Variants in DUXB observed in about 807,000 individuals in gnomAD.
The protein encoded by DUXB is double homeobox B, also known as double homeobox protein B.
In DUXB, 22 loss-of-function variants were observed where a neutral mutation model predicts 8.9. That is an observed-to-expected ratio of 2.46 (90% CI 1.76 to 3.52). The LOEUF (loss-of-function observed/expected upper bound fraction) is 3.52, where lower values mean the gene tolerates loss of function less well. Ranked by LOEUF, DUXB falls within the 30% of genes most tolerant of loss-of-function variation. DUXB has a pLI of 0.00. For missense variants in DUXB, 237 were observed against 108.7 expected (o/e 2.18, Z -5.25); for synonymous variants, 84 against 37.6 (o/e 2.23, Z -4.52).
rs1959201533 is a variant in DUXB at position 75,699,996 on chromosome 16, G to T, written c.180+19C>A. ...TACCATGGTTCTGACAGGTAATGAAGTAGAAATCTAATGCCTACCTGAATA... is the reference window on the plus strand; with the variant it reads ...TACCATGGTTCTGACAGGTAATGAATTAGAAATCTAATGCCTACCTGAATA... On this transcript the variant is annotated intron_variant, in intron 2 of 4. Coordinates refer to ENST00000633875, the MANE Select transcript of DUXB (RefSeq NM_001351307.2). The T allele has an allele frequency of 1.5e-6, 1 of 687,758 alleles. No homozygotes were observed. Among genetic ancestry groups the T allele is most frequent in the Admixed American group, 2.1e-5 (1 of 47,080 alleles). 42.6% of individuals were successfully genotyped at this position (687,758 alleles called of 1,614,324 possible). A position where few individuals can be genotyped will look rare whatever the true frequency, so the allele number is the denominator to read the frequency against.
Position 75,694,414 on chromosome 16 carries a change from G to T in DUXB, c.553C>A (p.Pro185Thr). ...TCTGTGGGGAGGAACAGGTTGATTG[G>T]ATGCCACCCAACAGTTGCATCTGGT... ...ERPDATVGWH[P>T]INLFLPTDSS... is the part of the protein sequence containing the mutation. Residue 185 changes from proline (P) to threonine (T), a missense_variant, in exon 5 of 5, where the codon CCA becomes ACA. Transcript: ENST00000633875. The T allele has an allele frequency of 2.9e-6, 2 of 698,890 alleles. No individual in the cohort carries two copies. The highest frequency in any genetic ancestry group is 2.0e-5 in the Admixed American group (1 of 48,882). 43.3% of individuals were successfully genotyped at this position (698,890 alleles called of 1,614,324 possible).
rs1318463156 is a variant in DUXB at position 75,696,093 on chromosome 16, T to C, written c.309A>G (p.Arg103=). The change falls in exon 4 of 5, where the codon CGA becomes CGG. Residue 103 remains arginine, a synonymous_variant. Transcript: ENST00000633875. ...TCCATGTGATGAATGTCTGTTTTTG[T>C]CGGGCTTCTTTAGGTAAGTATTCTA... ...LTQEYLPKEA[R]QKQTFITWTQ... 3 of 702,820 alleles carry C rather than the reference T, an allele frequency of 4.3e-6. No individual in the cohort carries two copies. The African/African-American group carries it at 5.2e-5, about 12-fold the overall frequency. The allele number at this position is 702,820 out of a possible 1,614,324, so 43.5% of individuals were successfully genotyped here.
chr16:75,701,235 C>G (rs1443304655), intron 1 of DUXB, among the ~76,000 whole-genome samples, 159 bp downstream of exon 1: 3 of 152,162 alleles, frequency 2.0e-5, no homozygotes, highest in Non-Finnish European at 4.4e-5. Flanking sequence ...TTCAAAGCAC[C>G]CATGGCTGTT....
intron 4 of DUXB, among the ~76,000 whole-genome samples, chr16:75,695,731 T>C (rs1032719882): frequency 1.3e-5 from 2 of 152,208 alleles, no homozygotes; most frequent in Non-Finnish European, 2.9e-5. Context: ...AATCTAACAA[T>C]GTTCTCAAAA....
intron 1 of DUXB, 109 bp from the exon 2 acceptor site, chr16:75,700,278 A>T (rs913152019): frequency 3.5e-6 from 2 of 570,780 alleles, no homozygotes; most frequent in Admixed American, 3.0e-5. Flanking sequence ...TCTGTCGCCC[A>T]GATTGGAGTG....
chr16:75,694,248 G>T lies in DUXB; in HGVS notation c.719C>A (p.Thr240Lys), dbSNP rs2082585997. 1.7e-6 allele frequency: 1 copy of T among 581,232 alleles called. No homozygotes were observed. The highest frequency in any genetic ancestry group is 3.0e-6 in the Non-Finnish European group (1 of 330,308). The allele number at this position is 581,232 out of a possible 1,614,324, so 36.0% of individuals were successfully genotyped here. ...CTTCTCTCCTTCCTGCACAGCCTGT[G>T]TGGGCTGCATGATCATGACATTTGG... The part of the protein sequence containing the change: ...QGPNVMIMQP[T>K]QAVQEGEKSD... Residue 240 changes from threonine to lysine, a missense_variant, in exon 5 of 5, where the codon ACA (threonine) becomes AAA (lysine). Transcript: ENST00000633875.
At chr16:75,699,350 C>G (rs1170008207) in intron 2 of DUXB, among the ~76,000 whole-genome samples, 2 of 152,094 alleles carry the variant, frequency 1.3e-5, no homozygotes, top group African/African-American at 4.8e-5. Context: ...TATTAATAAT[C>G]GATCTGAATA....
chr16:75,695,425 G>A (rs998374311), intron 4 of DUXB, among the ~76,000 whole-genome samples: 31 of 152,194 alleles, frequency 2.0e-4, no homozygotes. Context: ...GCCCATGCAT[G>A]GCTGTGCCTC....
intron 2 of DUXB, 83 bp from the exon 3 acceptor site, chr16:75,697,026 G>C: frequency 3.1e-6 from 2 of 649,462 alleles, no homozygotes; most frequent in South Asian, 3.5e-5. Flanking sequence ...GAACAAAACT[G>C]ATTTGACTGC....
In DUXB at chr16:75,696,106, G is replaced by C; in HGVS notation, c.296C>G (p.Pro99Arg). The C allele has an allele frequency of 4.3e-6, 3 of 701,562 alleles. No individual in the cohort carries two copies. Among genetic ancestry groups the C allele is most frequent in the South Asian group, 1.5e-5 (1 of 67,506 alleles). 43.5% of individuals were successfully genotyped at this position (701,562 alleles called of 1,614,324 possible). A position where few individuals can be genotyped will look rare whatever the true frequency, so the allele number is the denominator to read the frequency against. ...QSQHLTQEYLPKEARQKQTFI... is the reference protein window; with the variant it reads ...QSQHLTQEYLRKEARQKQTFI... ...TGTCTGTTTTTGTCGGGCTTCTTTA[G>C]GTAAGTATTCTAAAGGAGAACACAG... The change falls in exon 4 of 5, where the codon CCT (proline) becomes CGT (arginine). Residue 99 changes from proline (P) to arginine (R), a missense_variant. Physicochemically the swap from Pro to Arg is moderately radical, Grantham distance 103. Transcript: ENST00000633875.
intron 2 of DUXB, 53 bp downstream of exon 2, chr16:75,699,962 C>T: frequency 1.6e-6 from 1 of 637,494 alleles, no homozygotes; most frequent in Non-Finnish European, 2.8e-6. Context: ...TGGGCCTAGT[C>T]TTTCTCTTTA....
At position 75,695,975 on chromosome 16, in the gene DUXB, C is replaced by A. The variant is rs2082603013; in HGVS notation, c.427G>T (p.Glu143Ter). The change falls in exon 4 of 5, where the codon GAA becomes TAA. Residue 143 changes from glutamate (E) to a stop codon, truncating the protein, a stop_gained. Transcript: ENST00000633875. LOFTEE classifies it low-confidence loss of function (END_TRUNC). ...KKLAEQTGLQ[E>*]SRIQMWFQKQ... Reference sequence around the variant, plus strand: ...ATAGAACTTACTTGAATTCTTGATTCCTGCAGGCCTGTTTGTTCAGCCAGT... The same window carrying A: ...ATAGAACTTACTTGAATTCTTGATTACTGCAGGCCTGTTTGTTCAGCCAGT... 2.8e-6 allele frequency: 2 copies of A among 702,972 alleles called. No homozygotes were observed. The highest frequency in any genetic ancestry group is 5.2e-6 in the Non-Finnish European group (2 of 384,994). The allele number at this position is 702,972 out of a possible 1,614,324, so 43.5% of individuals were successfully genotyped here.
chr16:75,694,004 C>G lies in DUXB; in HGVS notation c.963G>C (p.Ser321=). 1 of 401,238 alleles carries G rather than the reference C, an allele frequency of 2.5e-6. No homozygotes were observed. The highest frequency in any genetic ancestry group is 4.4e-6 in the Non-Finnish European group (1 of 228,250). 24.9% of individuals were successfully genotyped at this position (401,238 alleles called of 1,614,324 possible). A position where few individuals can be genotyped will look rare whatever the true frequency, so the allele number is the denominator to read the frequency against. ...TCTCGTCCCACCTTTGCAAAATGTT[C>G]GATATGTCAAACTGACCCAGATTTA... is the stretch of plus-strand genomic sequence containing the variant. ...QPLNLGQFDI[S]NILQRWDEIC... Residue 321 remains serine, a synonymous_variant, in exon 5 of 5, where the codon TCG becomes TCC. Transcript: ENST00000633875.
At chr16:75,699,563 C>CTTTTT (rs1317094267) in intron 2 of DUXB, among the ~76,000 whole-genome samples, 6 of 143,014 alleles carry the variant, frequency 4.2e-5, no homozygotes, top group Admixed American at 7.0e-5. Flanking sequence ...CTTTTCTTTT[C>CTTTTT]TTTTTTTTTT....
chr16:75,700,200 G>T, intron 1 of DUXB, 31 bp from the exon 2 acceptor site: 1 of 681,854 alleles, frequency 1.5e-6, no homozygotes, highest in East Asian at 2.7e-5. Context: ...AGAATAGTGT[G>T]AATAATATAT....
At chr16:75,694,750 A>G (rs1404133609) in intron 4 of DUXB, among the ~76,000 whole-genome samples, 1 of 152,234 alleles carries the variant, frequency 6.6e-6, no homozygotes, top group African/African-American at 2.4e-5. Flanking sequence ...ATGCAACAAT[A>G]AAAATAATAC....
At chr16:75,697,442 T>A (rs1368709708) in intron 2 of DUXB, among the ~76,000 whole-genome samples, 1 of 152,178 alleles carries the variant, frequency 6.6e-6, no homozygotes, top group Non-Finnish European at 1.5e-5. Context: ...CTCTTAGTCA[T>A]TTTTGTCCCG....
intron 1 of DUXB, among the ~76,000 whole-genome samples, chr16:75,700,969 C>G (rs975636285): frequency 2.0e-5 from 3 of 151,976 alleles, no homozygotes; most frequent in Non-Finnish European, 1.5e-5. Context: ...AAAGAGGAAG[C>G]AGTAGGGAGG....
At position 75,694,032 on chromosome 16, in the gene DUXB, G is replaced by T. The variant is rs1377106370; in HGVS notation, c.935C>A (p.Pro312His). The part of the protein sequence containing the change: ...QPEPEHREQQ[P>H]LNLGQFDISN... ...TATGTCAAACTGACCCAGATTTAGA[G>T]GTTGTTGCTCCCTGTGCTCAGGTTC... Residue 312 changes from proline (P) to histidine (H), a missense_variant, in exon 5 of 5, where the codon CCT becomes CAT. By Grantham distance (77) the Pro-to-His change is moderately conservative. Transcript: ENST00000633875. 1.2e-5 allele frequency: 5 copies of T among 402,990 alleles called. No homozygotes were observed. The highest frequency in any genetic ancestry group is 8.7e-5 in the Admixed American group (2 of 22,992). The allele number at this position is 402,990 out of a possible 1,614,324, so 25.0% of individuals were successfully genotyped here.
Sources: gnomAD v4.1 joint callset for allele counts (sites outside exome capture counted in the v4.1 genomes callset) on GRCh38, gnomAD v4.1.1 for gene constraint, MANE v1.5 for transcripts, NCBI Gene and HGNC (gene_info 2026-07-23, HGNC 2026-07-21) for gene names.